Variants in MAST4 observed in about 807,000 individuals in gnomAD.
MAST4 encodes microtubule associated serine/threonine kinase family member 4, also known as microtubule-associated serine/threonine-protein kinase 4.
In MAST4, 89 loss-of-function variants were observed where a neutral mutation model predicts 162.7. That is an observed-to-expected ratio of 0.55 (90% CI 0.46 to 0.65). The LOEUF (loss-of-function observed/expected upper bound fraction) is 0.65. MAST4 is among the 30% of genes least tolerant of loss of function. The probability of loss-of-function intolerance (pLI) is 0.00; values close to 1 mark genes in which losing one functional copy is unlikely to be tolerated. For missense variants in MAST4, 3,153 were observed against 3,374.0 expected (o/e 0.93, Z 1.62); for synonymous variants, 1,479 against 1,361.1 (o/e 1.09, Z -1.91).
At chr5:67,101,446 C>T (rs540437679) in intron 8 of MAST4, among the ~76,000 whole-genome samples, 2 of 152,274 alleles carry the variant, frequency 1.3e-5, no homozygotes, top group Non-Finnish European at 1.5e-5. Context: ...GGACTGGCAG[C>T]TGAAGGTTTC....
intron 24 of MAST4, 95 bp downstream of exon 24, chr5:67,149,684 G>C (rs924136061): frequency 2.4e-6 from 3 of 1,235,636 alleles, no homozygotes; most frequent in African/African-American, 1.5e-5. Context: ...ATGCAAGATT[G>C]CTTGAAGTAA....
In MAST4 at chr5:66,789,988, A is replaced by ATTTTT. The variant is rs57743987; in HGVS notation, c.642+1220_642+1224dup. Among the ~76,000 whole-genome samples, 46 of 52,474 alleles carry ATTTTT rather than the reference A, an allele frequency of 8.8e-4. 3 individuals are homozygous for ATTTTT. The highest frequency in any genetic ancestry group is 3.2e-3 in the African/African-American group (28 of 8,750). The allele number at this position is 52,474 out of a possible 152,430, so 34.4% of individuals were successfully genotyped here. A position where few individuals can be genotyped will look rare whatever the true frequency, so the allele number is the denominator to read the frequency against. On this transcript the variant is annotated intron_variant, in intron 3 of 28. Coordinates refer to ENST00000403625, the MANE Select transcript of MAST4 (RefSeq NM_001164664.2). ...CTTTATGTTTAACATGCTTATTAGA[A>ATTTTT]TTTTTTTTTTTTTTTTTTTTTTTTT...
At chr5:66,888,784 G>A in intron 3 of MAST4, among the ~76,000 whole-genome samples, 1 of 152,220 alleles carries the variant, frequency 6.6e-6, no homozygotes, top group Non-Finnish European at 1.5e-5. Context: ...ATTGGACAGT[G>A]AGGTTGGTGT....
chr5:67,131,760 T>G, intron 15 of MAST4, 53 bp from the exon 16 acceptor site: 1 of 1,586,136 alleles, frequency 6.3e-7, no homozygotes. Flanking sequence ...TAAACTGATT[T>G]TCTACATTAA....
chr5:66,859,186 A>G (rs917222356), intron 3 of MAST4, among the ~76,000 whole-genome samples: 2 of 152,188 alleles, frequency 1.3e-5, no homozygotes, highest in South Asian at 2.1e-4. Flanking sequence ...TCACAGCAAT[A>G]TAACGCTTCT....
chr5:66,788,939 A>G (rs535173409), intron 3 of MAST4, 145 bp downstream of exon 3: 4 of 1,163,836 alleles, frequency 3.4e-6, no homozygotes, highest in South Asian at 4.4e-5. Context: ...CCTTGCTTTC[A>G]ATGTGCTAAT....
chr5:66,707,885 T>C (rs565872245), intron 1 of MAST4, among the ~76,000 whole-genome samples: 1 of 152,150 alleles, frequency 6.6e-6, no homozygotes, highest in Admixed American at 6.5e-5. Flanking sequence ...GTTGATTTCT[T>C]TTGGTAGTAT....
At chr5:67,147,177 C>T (rs892761052) in intron 23 of MAST4, among the ~76,000 whole-genome samples, 2 of 152,152 alleles carry the variant, frequency 1.3e-5, no homozygotes, top group African/African-American at 4.8e-5. Context: ...CTCTCTCTCT[C>T]TCCCCCATAC....
At chr5:67,102,966 G>C (rs6863027) in intron 9 of MAST4, among the ~76,000 whole-genome samples, 1 of 152,160 alleles carries the variant, frequency 6.6e-6, no homozygotes, top group East Asian at 1.9e-4. Context: ...TTGTTAAGTA[G>C]AGACTGTTTT....
At chr5:66,696,698 A>T (rs1426335037) in intron 1 of MAST4, among the ~76,000 whole-genome samples, 1 of 152,200 alleles carries the variant, frequency 6.6e-6, no homozygotes, top group Non-Finnish European at 1.5e-5. Flanking sequence ...CCTTTCAAGA[A>T]TCTGCAAGAT....
At chr5:66,963,447 G>C (rs1399432182) in intron 4 of MAST4, among the ~76,000 whole-genome samples, 1 of 152,152 alleles carries the variant, frequency 6.6e-6, no homozygotes, top group Non-Finnish European at 1.5e-5. Flanking sequence ...AAAGTTATCT[G>C]CCAAGTTGCT....
chr5:66,598,194 T>C (rs1236959095), intron 1 of MAST4, among the ~76,000 whole-genome samples: 1 of 152,210 alleles, frequency 6.6e-6, no homozygotes, highest in East Asian at 1.9e-4. Context: ...GCTGCTTAGC[T>C]GGTTCTTGGC....
At chr5:67,147,161 TTC>T (rs768604496) in intron 23 of MAST4, among the ~76,000 whole-genome samples, 23 of 150,212 alleles carry the variant, frequency 1.5e-4, no homozygotes, top group Non-Finnish European at 1.2e-4. Flanking sequence ...CACACCATCT[TTC>T]TCTCTCTCTC....
At chr5:66,876,306 G>A (rs924270847) in intron 3 of MAST4, among the ~76,000 whole-genome samples, 3 of 152,174 alleles carry the variant, frequency 2.0e-5, no homozygotes, top group Admixed American at 2.0e-4. Flanking sequence ...TGAAGTGGTG[G>A]TTTTCCATGT....
At chr5:66,968,153 C>T (rs1746979278) in intron 4 of MAST4, among the ~76,000 whole-genome samples, 1 of 152,150 alleles carries the variant, frequency 6.6e-6, no homozygotes, top group African/African-American at 2.4e-5. Flanking sequence ...ACTCAGTGGC[C>T]AAGTTTCTAT....
chr5:67,118,178 C>T (rs1210164348), intron 12 of MAST4, among the ~76,000 whole-genome samples: 1 of 152,180 alleles, frequency 6.6e-6, no homozygotes, highest in African/African-American at 2.4e-5. Context: ...TCTTAACCAC[C>T]ATTATTACTT....
chr5:66,854,698 C>T (rs1340241392), intron 3 of MAST4, among the ~76,000 whole-genome samples: 1 of 151,978 alleles, frequency 6.6e-6, no homozygotes, highest in Non-Finnish European at 1.5e-5. Context: ...CTCCTCACTT[C>T]CGTTGTATTC....
intron 3 of MAST4, among the ~76,000 whole-genome samples, chr5:66,868,491 C>CTTTTT (rs59614413): frequency 7.4e-6 from 1 of 135,674 alleles, no homozygotes; most frequent in East Asian, 2.1e-4. Flanking sequence ...CCATCACAAA[C>CTTTTT]TTTTTTTTTT....
intron 1 of MAST4, among the ~76,000 whole-genome samples, chr5:66,718,086 T>A (rs918574614): frequency 6.6e-6 from 1 of 151,978 alleles, no homozygotes; most frequent in African/African-American, 2.4e-5. Flanking sequence ...AAAAAAAAAA[T>A]GTCTCTTTCA....
Sources: allele counts gnomAD v4.1 joint callset (sites outside exome capture counted in the v4.1 genomes callset), GRCh38; gene constraint gnomAD v4.1.1; transcripts MANE v1.5; gene names NCBI Gene and HGNC (gene_info 2026-07-23, HGNC 2026-07-21).